The following PDCD1LG2 variants were observed in gnomAD, a reference collection of about 807,000 sequenced individuals.
The protein encoded by PDCD1LG2 is B7 dendritic cell molecule.
Under a neutral mutation model 28.2 loss-of-function variants are expected in PDCD1LG2, and 32 were observed. The ratio of observed to expected loss-of-function variants is 1.13; its 90% CI spans 0.86 to 1.52. The LOEUF (loss-of-function observed/expected upper bound fraction) is 1.52. PDCD1LG2 is among the 40% of genes most tolerant of loss of function. PDCD1LG2 has a pLI of 0.00. For missense variants in PDCD1LG2, 385 were observed against 323.8 expected (o/e 1.19, Z -1.45); for synonymous variants, 116 against 120.2 (o/e 0.97, Z 0.23).
intron 2 of PDCD1LG2, among the ~76,000 whole-genome samples, chr9:5,532,103 T>C (rs1173251416): frequency 6.6e-6 from 1 of 152,162 alleles, no homozygotes; most frequent in Non-Finnish European, 1.5e-5. Flanking sequence ...TGGATTAAAA[T>C]AAAAGAATCA....
At chr9:5,511,077 T>C (rs533369154) in intron 1 of PDCD1LG2, among the ~76,000 whole-genome samples, 1 of 152,354 alleles carries the variant, frequency 6.6e-6, no homozygotes, top group African/African-American at 2.4e-5. Flanking sequence ...ATAATATAAC[T>C]ATTCTTAAGA....
At chr9:5,562,260 G>C (rs1396559082) in intron 5 of PDCD1LG2, among the ~76,000 whole-genome samples, 2 of 152,048 alleles carry the variant, frequency 1.3e-5, no homozygotes, top group African/African-American at 4.8e-5. Context: ...ACGAATAAGT[G>C]GATAAAGAAA....
chr9:5,536,635 T>C lies in PDCD1LG2; in HGVS notation c.361+1585T>C, dbSNP rs571348959. Among the ~76,000 whole-genome samples the C allele has an allele frequency of 3.3e-5, 5 of 152,356 alleles. No homozygotes were observed. In the South Asian group the frequency reaches 1.0e-3, roughly 32 times the overall value. On this transcript the variant is annotated intron_variant, in intron 3 of 6. Coordinates refer to ENST00000397747, the MANE Select transcript of PDCD1LG2 (RefSeq NM_025239.4). Reference sequence around the variant, plus strand: ...TTAATGGGCCAGGCCTTCTGCCCATTCTCTCAAACTGAGAACTGTCTCTCA... The same window carrying C: ...TTAATGGGCCAGGCCTTCTGCCCATCCTCTCAAACTGAGAACTGTCTCTCA...
At chr9:5,543,301 A>G (rs769298085) in intron 3 of PDCD1LG2, among the ~76,000 whole-genome samples, 3 of 152,116 alleles carry the variant, frequency 2.0e-5, no homozygotes, top group Non-Finnish European at 4.4e-5. Flanking sequence ...GCACTTTGGG[A>G]GGCCGAGGTG....
At chr9:5,525,624 T>G (rs1820358925) in intron 2 of PDCD1LG2, among the ~76,000 whole-genome samples, 1 of 151,932 alleles carries the variant, frequency 6.6e-6, no homozygotes, top group African/African-American at 2.4e-5. Context: ...TCTATGAATC[T>G]TAGAGCATAA....
In PDCD1LG2 at chr9:5,549,504, C is replaced by G. The variant is rs1816281204; in HGVS notation, c.531C>G (p.Thr177=). ...SRTPEGLYQV[T]SVLRLKPPPG... ...CCCCTGAAGGCCTCTACCAGGTCAC[C>G]AGTGTTCTGCGCCTAAAGCCACCCC... The change falls in exon 4 of 7, where the codon ACC becomes ACG. Residue 177 remains threonine (T), a synonymous_variant. Transcript: ENST00000397747. 6.2e-7 allele frequency: 1 copy of G among 1,614,172 alleles called. No homozygotes were observed. Among genetic ancestry groups the G allele is most frequent in the Non-Finnish European group, 8.5e-7 (1 of 1,180,036 alleles).
At chr9:5,521,974 C>G (rs140420992) in intron 1 of PDCD1LG2, among the ~76,000 whole-genome samples, 1 of 152,178 alleles carries the variant, frequency 6.6e-6, no homozygotes, top group Admixed American at 6.5e-5. Flanking sequence ...CCTACTCTCC[C>G]TGTCTAAACC....
intron 6 of PDCD1LG2, among the ~76,000 whole-genome samples, chr9:5,567,954 A>C (rs1325656296): frequency 6.6e-6 from 1 of 152,150 alleles, no homozygotes; most frequent in Non-Finnish European, 1.5e-5. Flanking sequence ...GTTTGTTTTC[A>C]TGAGTATCCC....
chr9:5,515,951 A>AAAAG (rs1157852339), intron 1 of PDCD1LG2, among the ~76,000 whole-genome samples: 8 of 144,050 alleles, frequency 5.6e-5, no homozygotes, highest in African/African-American at 1.8e-4. Flanking sequence ...AAAAAAAAAG[A>AAAAG]AAAGAAAGAA....
intron 1 of PDCD1LG2, among the ~76,000 whole-genome samples, chr9:5,521,609 G>C (rs1270268142): frequency 6.6e-6 from 1 of 152,032 alleles, no homozygotes; most frequent in South Asian, 2.1e-4. Flanking sequence ...CTCAGCAATA[G>C]TCTATTGCCT....
At chr9:5,519,594 A>G (rs12347439) in intron 1 of PDCD1LG2, among the ~76,000 whole-genome samples, 4,937 of 152,222 alleles carry the variant, frequency 0.032, 269 homozygotes, top group African/African-American at 0.11. Flanking sequence ...TCTCTTTCCT[A>G]TCTCTCTGTA....
intron 5 of PDCD1LG2, among the ~76,000 whole-genome samples, chr9:5,561,301 T>C (rs1816558927): frequency 6.6e-6 from 1 of 152,226 alleles, no homozygotes; most frequent in South Asian, 2.1e-4. Flanking sequence ...TGCAGAAAGT[T>C]CTACTGAAAA....
In PDCD1LG2 at chr9:5,524,812, A is replaced by G. The variant is rs186227309; in HGVS notation, c.55+2211A>G. Among the ~76,000 whole-genome samples, 10 of 152,310 alleles carry G rather than the reference A, an allele frequency of 6.6e-5. No homozygotes were observed. In the East Asian group the frequency reaches 1.9e-3, roughly 29 times the overall value. The stretch of plus-strand genomic sequence containing the variant: ...TATTTGTATAATAAAATATAATTTT[A>G]AAAATACAAGAAATTTCTCATATAA... On this transcript the variant is annotated intron_variant, in intron 2 of 6. Transcript: ENST00000397747.
chr9:5,512,708 A>T (rs185737533), intron 1 of PDCD1LG2, among the ~76,000 whole-genome samples: 44 of 152,228 alleles, frequency 2.9e-4, no homozygotes, highest in Non-Finnish European at 1.2e-4. Flanking sequence ...CAAACTCTGG[A>T]CCTACAATTT....
At chr9:5,523,670 G>A (rs1178459690) in intron 2 of PDCD1LG2, among the ~76,000 whole-genome samples, 3 of 152,202 alleles carry the variant, frequency 2.0e-5, no homozygotes, top group Non-Finnish European at 4.4e-5. Context: ...TGCCTGGCTG[G>A]CATTTTAGAG....
At chr9:5,552,921 A>C (rs144063430) in intron 4 of PDCD1LG2, among the ~76,000 whole-genome samples, 4 of 152,270 alleles carry the variant, frequency 2.6e-5, no homozygotes, top group African/African-American at 9.6e-5. Flanking sequence ...GAAAGAGAGG[A>C]GTCATGCTAA....
intron 5 of PDCD1LG2, 123 bp from the exon 6 acceptor site, chr9:5,563,039 G>C (rs1816596637): frequency 1.2e-6 from 1 of 801,926 alleles, no homozygotes; most frequent in South Asian, 1.7e-5. Flanking sequence ...AGGCCACAGT[G>C]AACATTTGGG....
intron 4 of PDCD1LG2, among the ~76,000 whole-genome samples, chr9:5,550,620 AT>A (rs1816310134): frequency 6.6e-6 from 1 of 151,794 alleles, no homozygotes; most frequent in African/African-American, 2.4e-5. Flanking sequence ...TAATTGCCTC[AT>A]GGCCCCTCCC....
chr9:5,522,730 T>C, intron 2 of PDCD1LG2, 129 bp downstream of exon 2: 3 of 729,268 alleles, frequency 4.1e-6, no homozygotes, highest in Non-Finnish European at 6.7e-6. Context: ...TCTGGGCTAT[T>C]CCAAGCACCA....
Sources: allele counts gnomAD v4.1 joint callset (sites outside exome capture counted in the v4.1 genomes callset), GRCh38; gene constraint gnomAD v4.1.1; transcripts MANE v1.5; gene names NCBI Gene and HGNC (gene_info 2026-07-23, HGNC 2026-07-21).